PTPRD: variants seen among roughly 807,000 people sequenced by gnomAD.
PTPRD encodes the protein protein tyrosine phosphatase receptor type D, also known as receptor-type tyrosine-protein phosphatase delta.
Under a neutral mutation model 214.5 loss-of-function variants are expected in PTPRD, and 34 were observed. That is an observed-to-expected ratio of 0.16 (90% CI 0.12 to 0.21). PTPRD has a LOEUF of 0.21. Among genes scored for constraint, PTPRD ranks in the 10% least tolerant of loss-of-function variants. The probability of loss-of-function intolerance (pLI) is 1.00; values close to 1 mark genes in which losing one functional copy is unlikely to be tolerated. For synonymous variants in PTPRD, 1,128 were observed against 845.7 expected, an observed-to-expected ratio of 1.33 and a Z score of -5.79; for missense variants, 2,545 against 2,398.7, an observed-to-expected ratio of 1.06 and a Z score of -1.27.
At chr9:10,482,248 GT>G (rs2099104309) in intron 2 of PTPRD, among the ~76,000 whole-genome samples, 1 of 151,894 alleles carries the variant, frequency 6.6e-6, no homozygotes, top group Non-Finnish European at 1.5e-5. Context: ...GCGGGTGCCT[GT>G]AGTCCCAGCT....
At chr9:9,347,383 T>C (rs1359951359) in intron 9 of PTPRD, among the ~76,000 whole-genome samples, 1 of 151,294 alleles carries the variant, frequency 6.6e-6, no homozygotes, top group Non-Finnish European at 1.5e-5. Context: ...TCCTACAGAT[T>C]ATGTTCTTTT....
At chr9:9,969,939 C>T (rs7033099) in intron 4 of PTPRD, among the ~76,000 whole-genome samples, 42,324 of 151,990 alleles carry the variant, frequency 0.28, 7,095 homozygotes, top group African/African-American at 0.47. Flanking sequence ...GCTAACTGCA[C>T]TGTGCTTTCT....
At chr9:9,573,428 A>G (rs911121236) in intron 8 of PTPRD, among the ~76,000 whole-genome samples, 1 of 151,092 alleles carries the variant, frequency 6.6e-6, no homozygotes, top group Non-Finnish European at 1.5e-5. Flanking sequence ...AAAAAAAAAA[A>G]CTTATGTCAG....
chr9:9,882,267 T>C (rs1301098913), intron 5 of PTPRD, among the ~76,000 whole-genome samples: 3 of 152,098 alleles, frequency 2.0e-5, no homozygotes, highest in Admixed American at 6.6e-5. Context: ...AGGATCGAAA[T>C]TAGAATATTT....
intron 3 of PTPRD, among the ~76,000 whole-genome samples, chr9:10,135,670 A>T (rs1385417632): frequency 2.0e-5 from 3 of 152,088 alleles, no homozygotes; most frequent in African/African-American, 7.2e-5. Context: ...TTTTCAGACA[A>T]CCAAACAACA....
chr9:10,299,698 G>A (rs1408527630), intron 3 of PTPRD, among the ~76,000 whole-genome samples: 1 of 152,104 alleles, frequency 6.6e-6, no homozygotes, highest in East Asian at 1.9e-4. Flanking sequence ...AGTCACTACA[G>A]GTCATAACAG....
At position 9,138,433 on chromosome 9, in the gene PTPRD, G is replaced by C. The variant is rs140405958; in HGVS notation, c.-143+44871C>G. On this transcript the variant is annotated intron_variant, in intron 10 of 45. Coordinates refer to ENST00000381196, the MANE Select transcript of PTPRD (RefSeq NM_002839.4). ...TGCACTTAAAAGTCAAACATATCTT[G>C]AATCAGAGGAAGTTCTTACTTTTAG... Among the ~76,000 whole-genome samples, 12 of 152,146 alleles carry C rather than the reference G, an allele frequency of 7.9e-5. No homozygotes were observed. In the East Asian group the frequency reaches 2.3e-3, roughly 29 times the overall value.
At chr9:9,370,569 T>G (rs1156851596) in intron 9 of PTPRD, among the ~76,000 whole-genome samples, 4 of 151,754 alleles carry the variant, frequency 2.6e-5, no homozygotes, top group African/African-American at 9.7e-5. Context: ...AGGGACAATT[T>G]GACTTCCTCT....
At chr9:10,240,162 TAAAATATACTTCATATAACCTAAATA>T (rs1463863926) in intron 3 of PTPRD, among the ~76,000 whole-genome samples, 6 of 152,116 alleles carry the variant, frequency 3.9e-5, no homozygotes, top group South Asian at 2.1e-4. Flanking sequence ...ATAACCTAAA[TAAAATATACTTCATATAACCTAAATA>T]AAAATATACT....
At chr9:8,919,885 T>TACATAGATGTACATGCATGTATCATGCAC (rs1588039211) in intron 11 of PTPRD, among the ~76,000 whole-genome samples, 1 of 135,318 alleles carries the variant, frequency 7.4e-6, no homozygotes, top group South Asian at 2.6e-4. Context: ...GTATCATGCA[T>TACATAGATGTACATGCATGTATCATGCAC]ACATAGATGT....
chr9:8,697,338 A>G (rs1422652888), intron 12 of PTPRD, among the ~76,000 whole-genome samples: 1 of 147,972 alleles, frequency 6.8e-6, no homozygotes, highest in East Asian at 2.0e-4. Context: ...ATTTTAAAGC[A>G]TTCTTTTCCT....
chr9:8,746,295 C>G (rs1289191380), intron 11 of PTPRD, among the ~76,000 whole-genome samples: 1 of 152,064 alleles, frequency 6.6e-6, no homozygotes, highest in Non-Finnish European at 1.5e-5. Flanking sequence ...AATGAAGATA[C>G]ACAATGGTTA....
rs201340660 is a variant in PTPRD at position 8,658,856 on chromosome 9, T to TA, written c.65-22013dup. ...TCCTTGATACGGAATCCCTGATATA[T>TA]AAAATGACCAACATAAATAAATACA... On this transcript the variant is annotated intron_variant, in intron 12 of 45. Transcript: ENST00000381196. 8.2e-4 allele frequency among the ~76,000 whole-genome samples: 125 copies of TA among 152,224 alleles called. No homozygotes were observed. In the East Asian group the frequency reaches 0.022, roughly 27 times the overall value.
intron 2 of PTPRD, among the ~76,000 whole-genome samples, chr9:10,566,395 C>T (rs1322660893): frequency 6.6e-6 from 1 of 151,884 alleles, no homozygotes. Flanking sequence ...TGAAAATTCC[C>T]AATTGTTTTA....
At chr9:9,477,696 CTAA>C (rs896080452) in intron 8 of PTPRD, among the ~76,000 whole-genome samples, 5 of 152,112 alleles carry the variant, frequency 3.3e-5, no homozygotes, top group Non-Finnish European at 5.9e-5. Flanking sequence ...TTCCCAGTAC[CTAA>C]TAATAATAAA....
At chr9:10,051,224 G>A (rs980289120) in intron 3 of PTPRD, among the ~76,000 whole-genome samples, 10 of 152,074 alleles carry the variant, frequency 6.6e-5, no homozygotes, top group African/African-American at 2.4e-4. Flanking sequence ...CCATAATTTT[G>A]AAGAAAAGAG....
intron 10 of PTPRD, among the ~76,000 whole-genome samples, chr9:9,061,117 G>A (rs2099706455): frequency 6.6e-6 from 1 of 152,180 alleles, no homozygotes; most frequent in Admixed American, 6.5e-5. Flanking sequence ...GTTACTAATA[G>A]GAAGAGGACA....
chr9:10,231,189 GTGTGACATACAAA>G, intron 3 of PTPRD, among the ~76,000 whole-genome samples: 1 of 152,090 alleles, frequency 6.6e-6, no homozygotes, highest in Admixed American at 6.6e-5. Flanking sequence ...TTTTAATCAA[GTGTGACATACAAA>G]TGTATGCTTT....
intron 31 of PTPRD, among the ~76,000 whole-genome samples, chr9:8,466,315 C>T (rs929810036): frequency 6.6e-6 from 1 of 151,874 alleles, no homozygotes; most frequent in African/African-American, 2.4e-5. Context: ...ATGGAGTCAA[C>T]TTTTTCTAGA....
Sources: allele counts gnomAD v4.1 joint callset (sites outside exome capture counted in the v4.1 genomes callset), GRCh38; gene constraint gnomAD v4.1.1; transcripts MANE v1.5; gene names NCBI Gene and HGNC (gene_info 2026-07-23, HGNC 2026-07-21).